DLG2: variants seen among roughly 807,000 people sequenced by gnomAD.
DLG2 encodes disks large homolog 2.
In DLG2, 45 loss-of-function variants were observed where a neutral mutation model predicts 132.5. The observed-to-expected ratio is 0.34, with a 90% CI of 0.27 to 0.44. The LOEUF (loss-of-function observed/expected upper bound fraction) is 0.44, where lower values mean the gene tolerates loss of function less well. DLG2 is among the 20% of genes least tolerant of loss of function. DLG2 has a pLI of 1.00. For missense variants in DLG2, 1,045 were observed against 1,196.9 expected (o/e 0.87, Z 1.87); for synonymous variants, 424 against 419.6 (o/e 1.01, Z -0.13).
At chr11:84,240,364 C>T (rs554874377) in intron 8 of DLG2, among the ~76,000 whole-genome samples, 1 of 152,320 alleles carries the variant, frequency 6.6e-6, no homozygotes, top group East Asian at 1.9e-4. Flanking sequence ...ATTTTGGTCT[C>T]TGTTATATGT....
In DLG2 at chr11:84,307,372, G is replaced by A. The variant is rs571657622; in HGVS notation, c.520-56081C>T. On this transcript the variant is annotated intron_variant, in intron 7 of 27. Transcript: ENST00000376104. ...GGGTGGATGGTGAGAAGAAGGTGAG[G>A]ACTGAAAAACCACCTATTGAATATT... Among the ~76,000 whole-genome samples the A allele has an allele frequency of 4.6e-5, 7 of 152,256 alleles. No homozygotes were observed. In the South Asian group the frequency reaches 1.4e-3, roughly 32 times the overall value.
chr11:83,573,067 C>A (rs562206532), intron 19 of DLG2, among the ~76,000 whole-genome samples: 1 of 152,168 alleles, frequency 6.6e-6, no homozygotes, highest in Non-Finnish European at 1.5e-5. Context: ...TTTTTTACTC[C>A]TTTTTTCCCC....
chr11:84,510,055 A>T (rs756897422), intron 7 of DLG2, among the ~76,000 whole-genome samples: 7 of 151,310 alleles, frequency 4.6e-5, no homozygotes, highest in Non-Finnish European at 1.0e-4. Flanking sequence ...AAAAATAAAA[A>T]TGAAATCTTA....
intron 3 of DLG2, among the ~76,000 whole-genome samples, chr11:85,516,061 T>C (rs117768401): frequency 1.1e-4 from 17 of 152,110 alleles, no homozygotes; most frequent in African/African-American, 3.8e-4. Context: ...ATCAAATACA[T>C]TGACTCTCTC....
chr11:83,545,716 G>C (rs1198755982), intron 19 of DLG2, among the ~76,000 whole-genome samples: 1 of 152,098 alleles, frequency 6.6e-6, no homozygotes, highest in African/African-American at 2.4e-5. Flanking sequence ...TTAGCTGCAG[G>C]TGTCCTTCCT....
chr11:85,438,347 C>A (rs1362885154), intron 3 of DLG2, among the ~76,000 whole-genome samples: 2 of 152,130 alleles, frequency 1.3e-5, no homozygotes, highest in Non-Finnish European at 2.9e-5. Context: ...TGCTGTGACA[C>A]AATTTTTTTA....
intron 19 of DLG2, among the ~76,000 whole-genome samples, chr11:83,610,926 C>T (rs1227440560): frequency 2.0e-5 from 3 of 152,132 alleles, no homozygotes; most frequent in African/African-American, 7.2e-5. Context: ...TATCAAAGAA[C>T]CTAATCTTTT....
At chr11:84,050,360 G>C (rs2096344635) in intron 11 of DLG2, among the ~76,000 whole-genome samples, 1 of 151,836 alleles carries the variant, frequency 6.6e-6, no homozygotes, top group Admixed American at 6.6e-5. Flanking sequence ...CCCACTTGTT[G>C]ATGGGGTTGT....
At chr11:83,596,244 A>G (rs1428510909) in intron 19 of DLG2, among the ~76,000 whole-genome samples, 1 of 152,134 alleles carries the variant, frequency 6.6e-6, no homozygotes, top group African/African-American at 2.4e-5. Context: ...CTTAAAGTTG[A>G]CATAATAAAA....
chr11:83,721,783 G>A (rs1312927136), intron 18 of DLG2, among the ~76,000 whole-genome samples: 1 of 152,158 alleles, frequency 6.6e-6, no homozygotes, highest in Non-Finnish European at 1.5e-5. Context: ...TGCAGCCAGA[G>A]GAACTTACTG....
intron 6 of DLG2, among the ~76,000 whole-genome samples, chr11:84,983,228 G>C (rs187062044): frequency 6.6e-6 from 1 of 152,130 alleles, no homozygotes; most frequent in East Asian, 1.9e-4. Context: ...TGAAGGAAGC[G>C]GATTGCTCCT....
In DLG2 at chr11:83,800,824, T is replaced by C. The variant is rs191839525; in HGVS notation, c.1723-14032A>G. 1.5e-3 allele frequency among the ~76,000 whole-genome samples: 223 copies of C among 152,276 alleles called. 1 individual carries two copies. Among genetic ancestry groups the C allele is most frequent in the African/African-American group, 5.1e-3 (210 of 41,566 alleles). On this transcript the variant is annotated intron_variant, in intron 17 of 27. Transcript: ENST00000376104. ...GACAGTAAGATCTAGAATTCATGCA[T>C]TTCAAGTAAAAAGTTAACTATCTTT...
At chr11:84,035,014 C>T (rs1210394948) in intron 11 of DLG2, among the ~76,000 whole-genome samples, 1 of 152,104 alleles carries the variant, frequency 6.6e-6, no homozygotes, top group Non-Finnish European at 1.5e-5. Context: ...AATGGAGCTT[C>T]CCTGTAGAAC....
intron 8 of DLG2, among the ~76,000 whole-genome samples, chr11:84,230,834 C>A (rs990910618): frequency 6.6e-6 from 1 of 152,096 alleles, no homozygotes; most frequent in Non-Finnish European, 1.5e-5. Flanking sequence ...AGGCAAGGTC[C>A]AAATCATAAA....
At chr11:85,573,907 A>G (rs1446371336) in intron 3 of DLG2, among the ~76,000 whole-genome samples, 1 of 152,160 alleles carries the variant, frequency 6.6e-6, no homozygotes, top group Non-Finnish European at 1.5e-5. Flanking sequence ...TAAATTTGAA[A>G]TTGAATCACA....
chr11:84,787,309 A>C (rs577365587), intron 6 of DLG2, among the ~76,000 whole-genome samples: 1 of 151,988 alleles, frequency 6.6e-6, no homozygotes, highest in African/African-American at 2.4e-5. Flanking sequence ...CCAGATTCCT[A>C]TGGTTTGAAT....
chr11:84,096,420 G>A (rs1026387110), intron 10 of DLG2, among the ~76,000 whole-genome samples: 1 of 152,162 alleles, frequency 6.6e-6, no homozygotes, highest in Non-Finnish European at 1.5e-5. Flanking sequence ...TACCTCTGTA[G>A]GCATGGGGCT....
chr11:85,309,880 T>C (rs962874094), intron 3 of DLG2, among the ~76,000 whole-genome samples: 3 of 152,218 alleles, frequency 2.0e-5, no homozygotes, highest in African/African-American at 7.2e-5. Context: ...CCATAGCCAT[T>C]ATGGCACTGT....
chr11:84,281,454 A>G (rs1033009466), intron 7 of DLG2, among the ~76,000 whole-genome samples: 7 of 151,980 alleles, frequency 4.6e-5, no homozygotes, highest in Non-Finnish European at 7.4e-5. Context: ...TAAAATTATT[A>G]TTATACTTTA....
Sources: gnomAD v4.1 joint callset for allele counts (sites outside exome capture counted in the v4.1 genomes callset) on GRCh38, gnomAD v4.1.1 for gene constraint, MANE v1.5 for transcripts, NCBI Gene and HGNC (gene_info 2026-07-23, HGNC 2026-07-21) for gene names.